Variants in TMEM268 observed in about 807,000 individuals in gnomAD.
TMEM268 encodes transmembrane protein C9orf91.
In TMEM268, 24 loss-of-function variants were observed where a neutral mutation model predicts 39.1. That is an observed-to-expected ratio of 0.61 (90% CI 0.44 to 0.86). The LOEUF (loss-of-function observed/expected upper bound fraction) is 0.86. TMEM268 is among the 40% of genes least tolerant of loss of function. TMEM268 has a pLI of 0.00. For synonymous variants in TMEM268, 176 were observed against 173.5 expected, an observed-to-expected ratio of 1.01 and a Z score of -0.12; for missense variants, 409 against 428.6, an observed-to-expected ratio of 0.95 and a Z score of 0.40.
intron 6 of TMEM268, 94 bp from the exon 7 acceptor site, chr9:114,636,896 C>T (rs1846660492): frequency 3.9e-6 from 3 of 761,286 alleles, no homozygotes; most frequent in Non-Finnish European, 6.8e-6. Flanking sequence ...ACCTTCCTGC[C>T]AGACAGCAGG....
chr9:114,628,244 G>T lies in TMEM268; in HGVS notation c.468G>T (p.Gln156His). 6.2e-7 allele frequency: 1 copy of T among 1,613,960 alleles called. No homozygotes were observed. Among genetic ancestry groups the T allele is most frequent in the Non-Finnish European group, 8.5e-7 (1 of 1,179,948 alleles). ...TTGTGCTGGTCTTTGAAAGACACCA[G>T]AAGAAGGTGAGATGTCTGGAGATCC... ...LTLVLVFERHQKKANTNTDLR... is the reference protein window; with the variant it reads ...LTLVLVFERHHKKANTNTDLR... The change falls in exon 5 of 9, where the codon CAG (glutamine) becomes CAT (histidine). Residue 156 changes from glutamine to histidine, a missense_variant. By Grantham distance (24) the Gln-to-His change is conservative. Coordinates refer to ENST00000288502, the MANE Select transcript of TMEM268 (RefSeq NM_153045.4).
intron 8 of TMEM268, among the ~76,000 whole-genome samples, chr9:114,642,741 A>G (rs1430840301): frequency 6.6e-6 from 1 of 152,166 alleles, no homozygotes; most frequent in Non-Finnish European, 1.5e-5. Context: ...TCGGCCTCCC[A>G]AAGTGCTGGG....
chr9:114,639,139 AT>A (rs376643788), intron 8 of TMEM268, among the ~76,000 whole-genome samples: 104 of 151,284 alleles, frequency 6.9e-4, no homozygotes, highest in Non-Finnish European at 1.2e-3. Context: ...TCTTCTTTGA[AT>A]TTTTTTTTGT....
intron 5 of TMEM268, among the ~76,000 whole-genome samples, chr9:114,628,804 G>T (rs1414769636): frequency 1.3e-5 from 2 of 152,102 alleles, no homozygotes; most frequent in Non-Finnish European, 2.9e-5. Context: ...CAGAGCCAGG[G>T]TTCAAACCCT....
At chr9:114,624,289 T>G in intron 2 of TMEM268, 61 bp from the exon 3 acceptor site, 1 of 1,547,924 alleles carries the variant, frequency 6.5e-7, no homozygotes, top group East Asian at 2.4e-5. Context: ...GGCTTCGGGC[T>G]CACCCCACGA....
chr9:114,628,337 A>G, intron 5 of TMEM268, 87 bp downstream of exon 5: 3 of 1,492,684 alleles, frequency 2.0e-6, no homozygotes, highest in Non-Finnish European at 2.8e-6. Context: ...GCCTCCCTCA[A>G]AGAATTTCCC....
Position 114,628,267 on chromosome 9 carries a change from T to G in TMEM268, c.474+17T>G. The G allele has an allele frequency of 1.9e-6, 3 of 1,610,568 alleles. No homozygotes were observed. In the South Asian group the frequency reaches 3.3e-5, roughly 18 times the overall value. On this transcript the variant is annotated intron_variant, in intron 5 of 8. Transcript: ENST00000288502. ...CAGAAGAAGGTGAGATGTCTGGAGA[T>G]CCCTGCCACACTCTCTCCAGAAGAG...
intron 3 of TMEM268, among the ~76,000 whole-genome samples, chr9:114,624,969 C>T (rs972675342): frequency 6.6e-6 from 1 of 152,164 alleles, no homozygotes; most frequent in African/African-American, 2.4e-5. Flanking sequence ...GGAGAGGGGA[C>T]TGCATATACA....
At chr9:114,637,337 G>A (rs1846685454) in intron 7 of TMEM268, among the ~76,000 whole-genome samples, 2 of 144,182 alleles carry the variant, frequency 1.4e-5, no homozygotes, top group South Asian at 4.3e-4. Context: ...CAGTTGCCCA[G>A]ACTGGAGTGC....
chr9:114,636,967 G>T (rs367637134), intron 6 of TMEM268, 23 bp from the exon 7 acceptor site: 37 of 1,582,782 alleles, frequency 2.3e-5, no homozygotes, highest in Non-Finnish European at 3.0e-5. Flanking sequence ...AGCCACGGTG[G>T]TCACTGCTGC....
chr9:114,633,440 G>A (rs973060901), intron 5 of TMEM268, among the ~76,000 whole-genome samples: 5 of 152,070 alleles, frequency 3.3e-5, no homozygotes, highest in Non-Finnish European at 5.9e-5. Context: ...GATTACAGGC[G>A]TGAACCACCG....
intron 1 of TMEM268, among the ~76,000 whole-genome samples, chr9:114,616,078 C>G (rs867225300): frequency 1.4e-5 from 2 of 145,956 alleles, no homozygotes; most frequent in Non-Finnish European, 3.0e-5. Flanking sequence ...TGCAGTGGCG[C>G]GATCTCTGCT....
Position 114,645,235 on chromosome 9 carries a change from G to C in TMEM268, c.*1922G>C, listed in dbSNP as rs757074710. The C allele has an allele frequency of 6.6e-6, 1 of 152,330 alleles. No homozygotes were observed. The highest frequency in any genetic ancestry group is 1.5e-5 in the Non-Finnish European group (1 of 68,064). The allele number at this position is 152,330 out of a possible 1,614,324, so 9.4% of individuals were successfully genotyped here. A position where few individuals can be genotyped will look rare whatever the true frequency, so the allele number is the denominator to read the frequency against. On this transcript the variant is annotated 3_prime_UTR_variant, in exon 9 of 9. Transcript: ENST00000288502. The stretch of plus-strand genomic sequence containing the variant: ...CAACCCCACATGGCTGAGATGACCT[G>C]GTCCTAGGACACCCTTGGACAGAAG...
intron 1 of TMEM268, among the ~76,000 whole-genome samples, chr9:114,612,240 A>G (rs1423103041): frequency 6.6e-6 from 1 of 152,192 alleles, no homozygotes; most frequent in Non-Finnish European, 1.5e-5. Flanking sequence ...CCTTTGCGCA[A>G]TAGGACTTAA....
chr9:114,636,485 T>TTTTC (rs1554760002), intron 6 of TMEM268, among the ~76,000 whole-genome samples: 187 of 136,640 alleles, frequency 1.4e-3, no homozygotes, highest in African/African-American at 4.4e-3. Flanking sequence ...AGGGTTTAAC[T>TTTTC]TTTTCTTTTC....
chr9:114,613,360 T>C (rs1845580408), intron 1 of TMEM268, among the ~76,000 whole-genome samples: 1 of 152,204 alleles, frequency 6.6e-6, no homozygotes, highest in Non-Finnish European at 1.5e-5. Flanking sequence ...TCGTGGCTGC[T>C]CGGTCCCCCA....
intron 1 of TMEM268, among the ~76,000 whole-genome samples, chr9:114,615,196 G>C (rs1334594947): frequency 6.6e-6 from 1 of 152,044 alleles, no homozygotes; most frequent in Non-Finnish European, 1.5e-5. Context: ...CGTGCTGGGT[G>C]GTGTCACTGC....
At chr9:114,630,103 C>CCTGGCTTTGGCTCT (rs1342157722) in intron 5 of TMEM268, among the ~76,000 whole-genome samples, 1 of 152,198 alleles carries the variant, frequency 6.6e-6, no homozygotes. Context: ...GGAGGGAATG[C>CCTGGCTTTGGCTCT]CTGCTTTGGC....
At position 114,638,709 on chromosome 9, in the gene TMEM268, C is replaced by G. The variant is rs1028671065; in HGVS notation, c.832C>G (p.Pro278Ala). ...GCAGACTGAGCTTCATCAGCTTGTT[C>G]CTGAGGCTGAGCCGGAGGTAACAGG... is the stretch of plus-strand genomic sequence containing the variant. ...LMQTELHQLV[P>A]EAEPEEMARQ... The change falls in exon 8 of 9, where the codon CCT becomes GCT. Residue 278 changes from proline (P) to alanine (A), a missense_variant. Coordinates refer to ENST00000288502, the MANE Select transcript of TMEM268 (RefSeq NM_153045.4). The G allele has an allele frequency of 1.3e-5, 21 of 1,588,194 alleles. No homozygotes were observed. The highest frequency in any genetic ancestry group is 2.7e-5 in the African/African-American group (2 of 73,704).
Sources: allele counts gnomAD v4.1 joint callset (sites outside exome capture counted in the v4.1 genomes callset), GRCh38; gene constraint gnomAD v4.1.1; transcripts MANE v1.5; gene names NCBI Gene and HGNC (gene_info 2026-07-23, HGNC 2026-07-21).